BMPR2: variants seen among roughly 807,000 people sequenced by gnomAD.
BMPR2 encodes bone morphogenetic protein receptor type 2, also known as bone morphogenetic protein receptor type-2.
A neutral mutation model predicts 100.8 loss-of-function variants in BMPR2; 29 were observed. The ratio of observed to expected loss-of-function variants is 0.29; its 90% CI spans 0.21 to 0.39. The LOEUF is 0.39. BMPR2 is among the 10% of genes least tolerant of loss of function. BMPR2 has a pLI of 1.00. For missense variants in BMPR2, 1,011 were observed against 1,274.5 expected, an observed-to-expected ratio of 0.79 and a Z score of 3.15; for synonymous variants, 382 against 442.3, an observed-to-expected ratio of 0.86 and a Z score of 1.71.
chr2:202,456,111 G>T (rs1692096004), intron 1 of BMPR2, among the ~76,000 whole-genome samples: 1 of 129,636 alleles, frequency 7.7e-6, no homozygotes. Context: ...AAGTTAAGTA[G>T]TATTGCTAAT....
chr2:202,464,917 A>C lies in BMPR2; in HGVS notation c.185A>C (p.Lys62Thr). 1 of 1,614,156 alleles carries C rather than the reference A, an allele frequency of 6.2e-7. No individual in the cohort carries two copies. Among genetic ancestry groups the C allele is most frequent in the Non-Finnish European group, 8.5e-7 (1 of 1,180,026 alleles). Residue 62 changes from lysine to threonine, a missense_variant, in exon 2 of 13, where the codon AAA (lysine) becomes ACA (threonine). Physicochemically the swap from Lys to Thr is moderately conservative, Grantham distance 78. This residue lies in a region of BMPR2 where 355 missense variants were observed against 455.3 expected (regional missense o/e 0.78). Transcript: ENST00000374580. ...SHENGTILCS[K>T]GSTCYGLWEK... ...GAAAATGGGACAATATTATGCTCGA[A>C]AGGTAGCACCTGCTATGGCCTTTGG...
At chr2:202,435,352 A>G (rs1691592726) in intron 1 of BMPR2, among the ~76,000 whole-genome samples, 1 of 135,818 alleles carries the variant, frequency 7.4e-6, no homozygotes, top group Non-Finnish European at 1.5e-5. Flanking sequence ...CGACAGAGCC[A>G]GATCCTGTCT....
In BMPR2 at chr2:202,532,552, C is replaced by G. The variant is rs373153818; in HGVS notation, c.1129-33C>G. 6.2e-7 allele frequency: 1 copy of G among 1,608,930 alleles called. No homozygotes were observed. ...TCTGTTCTTCAGAATATGCTACGTT[C>G]TCTCTCTAAAAAATATCACTCTAAT... On this transcript the variant is annotated intron_variant, in intron 8 of 12. Transcript: ENST00000374580. This position sits in a 1 kb window ranked among gnomAD's most constrained non-coding sequence, Gnocchi z 4.1.
chr2:202,554,843 A>C (rs1688535038), intron 11 of BMPR2, among the ~76,000 whole-genome samples: 1 of 152,222 alleles, frequency 6.6e-6, no homozygotes, highest in East Asian at 1.9e-4. Context: ...AGTAGGCACT[A>C]TGCATCTAGA....
Position 202,555,996 on chromosome 2 carries a change from C to T in BMPR2, c.2331C>T (p.His777=), listed in dbSNP as rs1688563919. ...CCCGGCTAAAATTTGGCAGCAAGCACAAATCAAACTTGAAACAAGTCGAAA... is the reference window on the plus strand; with the variant it reads ...CCCGGCTAAAATTTGGCAGCAAGCATAAATCAAACTTGAAACAAGTCGAAA... The part of the protein sequence containing the change: ...KEPRLKFGSK[H]KSNLKQVETG... Residue 777 remains histidine (H), a synonymous_variant, in exon 12 of 13, where the codon CAC becomes CAT. Transcript: ENST00000374580. 6.2e-7 allele frequency: 1 copy of T among 1,613,998 alleles called. No individual in the cohort carries two copies. Among genetic ancestry groups the T allele is most frequent in the African/African-American group, 1.3e-5 (1 of 74,906 alleles).
At chr2:202,544,723 T>C (rs1688342250) in intron 10 of BMPR2, among the ~76,000 whole-genome samples, 1 of 151,768 alleles carries the variant, frequency 6.6e-6, no homozygotes, top group Admixed American at 6.6e-5. Context: ...TTCAAAAGTT[T>C]CTTAAATTCA....
chr2:202,509,239 G>C (rs1424343537), intron 3 of BMPR2, among the ~76,000 whole-genome samples: 1 of 151,986 alleles, frequency 6.6e-6, no homozygotes, highest in Non-Finnish European at 1.5e-5. Context: ...TAAGTACCAT[G>C]TATATAGTTA....
intron 10 of BMPR2, among the ~76,000 whole-genome samples, chr2:202,549,489 T>G (rs1688435847): frequency 6.6e-6 from 1 of 152,148 alleles, no homozygotes; most frequent in African/African-American, 2.4e-5. Flanking sequence ...GTGGTAGGTA[T>G]ATGTTTAACT....
intron 9 of BMPR2, among the ~76,000 whole-genome samples, chr2:202,533,772 G>A (rs1161422379): frequency 1.3e-5 from 2 of 152,072 alleles, no homozygotes; most frequent in Non-Finnish European, 2.9e-5. Flanking sequence ...GCAGTGAGCT[G>A]AGATCACGCC....
intron 3 of BMPR2, among the ~76,000 whole-genome samples, chr2:202,481,360 G>T (rs1692657512): frequency 6.6e-6 from 1 of 152,040 alleles, no homozygotes; most frequent in Non-Finnish European, 1.5e-5. Flanking sequence ...TGTATTTTTA[G>T]TAGAGACAGG....
chr2:202,396,370 A>G (rs1456913568), intron 1 of BMPR2, among the ~76,000 whole-genome samples: 1 of 152,200 alleles, frequency 6.6e-6, no homozygotes, highest in Non-Finnish European at 1.5e-5. Flanking sequence ...TTATCATTCT[A>G]TGTGAAGAAA....
chr2:202,449,161 A>C (rs1178403351), intron 1 of BMPR2, among the ~76,000 whole-genome samples: 1 of 151,818 alleles, frequency 6.6e-6, no homozygotes, highest in African/African-American at 2.4e-5. Context: ...ATACAGAATT[A>C]GCCGGGCATG....
chr2:202,444,343 G>A (rs13430786), intron 1 of BMPR2, among the ~76,000 whole-genome samples: 45,884 of 150,096 alleles, frequency 0.31, 8,570 homozygotes, highest in African/African-American at 0.43. Flanking sequence ...CATTTTATTT[G>A]TTTTTTTATA....
chr2:202,515,348 G>T (rs1368816137), intron 5 of BMPR2, among the ~76,000 whole-genome samples: 1 of 152,040 alleles, frequency 6.6e-6, no homozygotes, highest in African/African-American at 2.4e-5. Flanking sequence ...GAAGCTGGTG[G>T]ATCACCTGAG....
chr2:202,408,044 A>T (rs1156406287), intron 1 of BMPR2, among the ~76,000 whole-genome samples: 1 of 151,958 alleles, frequency 6.6e-6, no homozygotes. Context: ...CGTGTTAGCC[A>T]GGATGGTCTC....
At chr2:202,424,757 G>C (rs970401730) in intron 1 of BMPR2, among the ~76,000 whole-genome samples, 2 of 152,084 alleles carry the variant, frequency 1.3e-5, no homozygotes, top group African/African-American at 4.8e-5. Flanking sequence ...GATACCCTTA[G>C]TACCAGAAAT....
At chr2:202,512,987 CAG>C (rs1436560377) in intron 3 of BMPR2, among the ~76,000 whole-genome samples, 2 of 143,252 alleles carry the variant, frequency 1.4e-5, no homozygotes, top group Non-Finnish European at 1.5e-5. Flanking sequence ...TTTAAAGAAA[CAG>C]AGTCTCACTT....
At chr2:202,467,420 G>A (rs1223078512) in intron 2 of BMPR2, 99 bp from the exon 3 acceptor site, 30 of 1,030,800 alleles carry the variant, frequency 2.9e-5, no homozygotes, top group South Asian at 9.3e-5. Flanking sequence ...TAGCTTACAC[G>A]TACTCTCACA....
At chr2:202,434,933 A>ATATATATATATATATATATATATT (rs1483284948) in intron 1 of BMPR2, among the ~76,000 whole-genome samples, 2 of 82,038 alleles carry the variant, frequency 2.4e-5, no homozygotes, top group South Asian at 4.7e-4. Context: ...ATATATATAT[A>ATATATATATATATATATATATATT]TATTTATTTA....
Sources: gnomAD v4.1 joint callset for allele counts (sites outside exome capture counted in the v4.1 genomes callset) on GRCh38, gnomAD v4.1.1 for gene constraint, gnomAD v4.1.1 regional missense constraint, Gnocchi (gnomAD v3.1) non-coding constraint, MANE v1.5 for transcripts, NCBI Gene and HGNC (gene_info 2026-07-23, HGNC 2026-07-21) for gene names.